The following PTP4A3 variants were observed in gnomAD, a reference collection of about 807,000 sequenced individuals.
PTP4A3 encodes protein tyrosine phosphatase 4A3, also known as protein tyrosine phosphatase type IVA 3.
PTP4A3 carries 9 observed loss-of-function variants against 15.2 expected under a neutral mutation model. The observed-to-expected ratio is 0.59, with a 90% CI of 0.36 to 1.03. PTP4A3 has a LOEUF of 1.03. Ranked by LOEUF, PTP4A3 falls within the 50% of genes least tolerant of loss-of-function variation. The pLI is 0.02. For synonymous variants in PTP4A3, 95 were observed against 102.0 expected, an observed-to-expected ratio of 0.93 and a Z score of 0.41; for missense variants, 234 against 252.1, an observed-to-expected ratio of 0.93 and a Z score of 0.49.
chr8:141,393,380 G>C (rs900859570), intron 1 of PTP4A3, among the ~76,000 whole-genome samples: 2 of 152,220 alleles, frequency 1.3e-5, no homozygotes, highest in Non-Finnish European at 2.9e-5. Context: ...CCCTCACTGT[G>C]GTTACGAAGG....
chr8:141,407,734 T>A (rs1453595329), intron 1 of PTP4A3, among the ~76,000 whole-genome samples: 1 of 151,974 alleles, frequency 6.6e-6, no homozygotes, highest in East Asian at 1.9e-4. Flanking sequence ...ACCCAGCTAA[T>A]TTTTGTATTT....
At chr8:141,424,811 C>CAGGGTCTGCCTGGCTGG (rs1249809922) in intron 2 of PTP4A3, among the ~76,000 whole-genome samples, 1 of 152,122 alleles carries the variant, frequency 6.6e-6, no homozygotes. Flanking sequence ...CTCACTGCAT[C>CAGGGTCTGCCTGGCTGG]AGGGTCTGCC....
rs1833652916 is a variant in PTP4A3 at position 141,427,797 on chromosome 8, ACG to A, written c.378_379del (p.Tyr126Ter). ...GCCCTTATTGAGAGCGGGATGAAGT[ACG>A]AGGACGCCATCCAGTTCATCCGCCA... On this transcript the variant is annotated stop_gained and frameshift_variant, in exon 5 of 6. Transcript: ENST00000521578. LOFTEE classifies it high-confidence loss of function. The A allele has an allele frequency of 6.4e-7, 1 of 1,551,426 alleles. No homozygotes were observed. The highest frequency in any genetic ancestry group is 8.7e-7 in the Non-Finnish European group (1 of 1,147,460).
chr8:141,399,902 G>C (rs1263898236), intron 1 of PTP4A3, among the ~76,000 whole-genome samples: 1 of 152,236 alleles, frequency 6.6e-6, no homozygotes, highest in Admixed American at 6.5e-5. Context: ...CTTCAAACAT[G>C]TAGTTATTGT....
chr8:141,407,936 C>T (rs1218132831), intron 1 of PTP4A3, among the ~76,000 whole-genome samples: 2 of 152,134 alleles, frequency 1.3e-5, no homozygotes, highest in African/African-American at 4.8e-5. Flanking sequence ...CCATCATTAG[C>T]GTTAGTGTAT....
intron 3 of PTP4A3, chr8:141,426,642 G>A (rs1833589170): frequency 1.0e-6 from 1 of 985,444 alleles, no homozygotes; most frequent in Middle Eastern, 5.2e-4. Flanking sequence ...TGGGGATTAG[G>A]ATTTGTGCGA....
chr8:141,427,774 C>T lies in PTP4A3; in HGVS notation c.354C>T (p.Ala118=), dbSNP rs1259756086. 3.2e-6 allele frequency: 5 copies of T among 1,551,720 alleles called. No homozygotes were observed. In the East Asian group the frequency reaches 1.2e-4, roughly 38 times the overall value. ...LGRAPVLVAL[A]LIESGMKYED... The stretch of plus-strand genomic sequence containing the variant: ...GGGCTCCAGTCCTTGTGGCGCTGGC[C>T]CTTATTGAGAGCGGGATGAAGTACG... Residue 118 remains alanine (A), a synonymous_variant, in exon 5 of 6, where the codon GCC becomes GCT. Coordinates refer to ENST00000521578, the MANE Select transcript of PTP4A3 (RefSeq NM_032611.3).
chr8:141,421,964 T>C lies in PTP4A3; in HGVS notation c.-277T>C, dbSNP rs923024364. 12 of 417,860 alleles carry C rather than the reference T, an allele frequency of 2.9e-5. No individual in the cohort carries two copies. The highest frequency in any genetic ancestry group is 4.7e-5 in the Non-Finnish European group (11 of 235,118). 25.9% of individuals were successfully genotyped at this position (417,860 alleles called of 1,614,324 possible). A position where few individuals can be genotyped will look rare whatever the true frequency, so the allele number is the denominator to read the frequency against. ...AGTTGCCCGCTTTACTTTGGTTGGG[T>C]TGGGGGGGGCGGCGGGCTGTTTTGT... On this transcript the variant is annotated 5_prime_UTR_variant, in exon 2 of 6. Transcript: ENST00000521578.
chr8:141,403,812 C>CA (rs1832658279), intron 1 of PTP4A3, among the ~76,000 whole-genome samples: 1 of 152,270 alleles, frequency 6.6e-6, no homozygotes, highest in Non-Finnish European at 1.5e-5. Context: ...CCACGCACTT[C>CA]AAAATCAAAC....
rs1832496138 is a variant in PTP4A3, at chr8:141,398,028, C to T, written c.-854+5944C>T. ...GAGGGAGGCGTCTGCCTGAGGCCTG[C>T]TTGGAGGTGCCCAGGCTGGAGCCCT... On this transcript the variant is annotated intron_variant, in intron 1 of 5. Transcript: ENST00000521578. 2.6e-5 allele frequency among the ~76,000 whole-genome samples: 4 copies of T among 152,184 alleles called. No individual in the cohort carries two copies. The South Asian group carries it at 8.3e-4, about 32-fold the overall frequency.
chr8:141,407,693 A>G (rs1427263840), intron 1 of PTP4A3, among the ~76,000 whole-genome samples: 5 of 151,638 alleles, frequency 3.3e-5, no homozygotes, highest in East Asian at 1.9e-4. Context: ...CAGCCTCCCA[A>G]GTAGATGGGA....
In PTP4A3 at chr8:141,425,198, G is replaced by A; in HGVS notation, c.198+58G>A. On this transcript the variant is annotated intron_variant, in intron 3 of 5. Coordinates refer to ENST00000521578, the MANE Select transcript of PTP4A3 (RefSeq NM_032611.3). The surrounding 1 kb of genome is among the most constrained non-coding windows in gnomAD (Gnocchi z 4.2). ...GCTGCCACCGGGGGAGGGTGGGGCG[G>A]GGGGCTCCGGGCCTGCGCAGAGGGT... 2 of 903,684 alleles carry A rather than the reference G, an allele frequency of 2.2e-6. No individual in the cohort carries two copies. The highest frequency in any genetic ancestry group is 3.6e-6 in the Non-Finnish European group (2 of 555,026). 56.0% of individuals were successfully genotyped at this position (903,684 alleles called of 1,614,324 possible).
chr8:141,404,396 T>C (rs1348690500), intron 1 of PTP4A3, among the ~76,000 whole-genome samples: 1 of 152,236 alleles, frequency 6.6e-6, no homozygotes, highest in East Asian at 1.9e-4. Context: ...GGAGGGTCCA[T>C]TGGGGCAGGG....
chr8:141,403,544 G>C (rs1472041286), intron 1 of PTP4A3, among the ~76,000 whole-genome samples: 1 of 152,252 alleles, frequency 6.6e-6, no homozygotes, highest in Non-Finnish European at 1.5e-5. Flanking sequence ...AAGGACACTA[G>C]TGTTCCCATA....
Position 141,431,404 on chromosome 8 carries a change from G to GC in PTP4A3, c.*365dup. On this transcript the variant is annotated 3_prime_UTR_variant, in exon 6 of 6. Coordinates refer to ENST00000521578, the MANE Select transcript of PTP4A3 (RefSeq NM_032611.3). Reference sequence around the variant, plus strand: ...TGGGGGTATATTTTGTAACCACTGGGCCCCCAGCCCCTCTTTTGCGACCCC... The same window carrying GC: ...TGGGGGTATATTTTGTAACCACTGGGCCCCCCAGCCCCTCTTTTGCGACCCC... 3.6e-6 allele frequency: 1 copy of GC among 281,240 alleles called. No homozygotes were observed. The highest frequency in any genetic ancestry group is 6.7e-6 in the Non-Finnish European group (1 of 150,252). 17.4% of individuals were successfully genotyped at this position (281,240 alleles called of 1,614,324 possible).
rs578202434 is a variant in PTP4A3 at position 141,427,085 on chromosome 8, G to A, written c.329+16G>A. On this transcript the variant is annotated intron_variant, in intron 4 of 5. Coordinates refer to ENST00000521578, the MANE Select transcript of PTP4A3 (RefSeq NM_032611.3). ...GCCTGGGCCGGTGAGTGTCGGGGCG[G>A]GGTAGGGCTCGCCATGTCAGGTGGT... 12 of 1,593,558 alleles carry A rather than the reference G, an allele frequency of 7.5e-6. No individual in the cohort carries two copies. The East Asian group carries it at 1.8e-4, about 24-fold the overall frequency.
intron 5 of PTP4A3, 75 bp downstream of exon 5, chr8:141,427,899 G>C: frequency 7.3e-7 from 1 of 1,377,902 alleles, no homozygotes. Context: ...AAGGGTGGCG[G>C]CATTGGCTGT....
chr8:141,405,369 A>T (rs1441569054), intron 1 of PTP4A3, among the ~76,000 whole-genome samples: 1 of 152,144 alleles, frequency 6.6e-6, no homozygotes, highest in Non-Finnish European at 1.5e-5. Flanking sequence ...TCCTTCCTCC[A>T]GGCCCCCCAA....
At position 141,395,730 on chromosome 8, in the gene PTP4A3, C is replaced by T. The variant is rs542654717; in HGVS notation, c.-854+3646C>T. ...CCCGTTCATCTACCCGGGGTAGGTG[C>T]GTGGGCCACCCCTCCCTCCTGCAGC... is the stretch of plus-strand genomic sequence containing the variant. On this transcript the variant is annotated intron_variant, in intron 1 of 5. Coordinates refer to ENST00000521578, the MANE Select transcript of PTP4A3 (RefSeq NM_032611.3). Among the ~76,000 whole-genome samples, 18 of 137,828 alleles carry T rather than the reference C, an allele frequency of 1.3e-4. No homozygotes were observed. The South Asian group carries it at 3.1e-3, about 24-fold the overall frequency. The allele number at this position is 137,828 out of a possible 152,430, so 90.4% of individuals were successfully genotyped here. A position where few individuals can be genotyped will look rare whatever the true frequency, so the allele number is the denominator to read the frequency against.
Sources: allele counts gnomAD v4.1 joint callset (sites outside exome capture counted in the v4.1 genomes callset), GRCh38; gene constraint gnomAD v4.1.1; non-coding constraint Gnocchi (gnomAD v3.1); transcripts MANE v1.5; gene names NCBI Gene and HGNC (gene_info 2026-07-23, HGNC 2026-07-21).